The following CSNK1G2 variants were observed in gnomAD, a reference collection of about 807,000 sequenced individuals.
CSNK1G2 encodes the protein casein kinase 1 gamma 2, also known as casein kinase I isoform gamma-2.
In CSNK1G2, 11 loss-of-function variants were observed where a neutral mutation model predicts 48.0. The ratio of observed to expected loss-of-function variants is 0.23; its 90% CI spans 0.14 to 0.38. CSNK1G2 has a LOEUF of 0.38. Ranked by LOEUF, CSNK1G2 falls within the 10% of genes least tolerant of loss-of-function variation. CSNK1G2 has a pLI of 1.00. For missense variants in CSNK1G2, 446 were observed against 595.5 expected, an observed-to-expected ratio of 0.75 and a Z score of 2.61; for synonymous variants, 337 against 254.1, an observed-to-expected ratio of 1.33 and a Z score of -3.10.
rs1008888 is a variant in CSNK1G2, at chr19:1,943,673, C to A, written c.-266+2255C>A. 5.8e-3 allele frequency among the ~76,000 whole-genome samples: 884 copies of A among 152,252 alleles called. 24 individuals are homozygous for A. Among genetic ancestry groups the A allele is most frequent in the Admixed American group, 0.038 (581 of 15,298 alleles). On this transcript the variant is annotated intron_variant, in intron 1 of 11. Coordinates refer to ENST00000255641, the MANE Select transcript of CSNK1G2 (RefSeq NM_001319.7). ...TGGGGGTTACCGCGCGCCCGAGTGG[C>A]AGACTCTAGCGCCCCAGCAGATGCG...
rs973187917 is a variant in CSNK1G2, at chr19:1,969,916, C to G, written c.144C>G (p.Val48=). 5 of 1,312,124 alleles carry G rather than the reference C, an allele frequency of 3.8e-6. No individual in the cohort carries two copies. The African/African-American group carries it at 4.5e-5, about 12-fold the overall frequency. 81.3% of individuals were successfully genotyped at this position (1,312,124 alleles called of 1,614,324 possible). Residue 48 remains valine (V), a synonymous_variant, in exon 2 of 12, where the codon GTC becomes GTG. Transcript: ENST00000255641. ...TGATGGTGGGCCCCAACTTCCGCGTCGGCAAGAAGATCGGCTGCGGCAACT... is the reference window on the plus strand; with the variant it reads ...TGATGGTGGGCCCCAACTTCCGCGTGGGCAAGAAGATCGGCTGCGGCAACT... ...GVLMVGPNFR[V]GKKIGCGNFG...
chr19:1,958,569 C>G, intron 1 of CSNK1G2, among the ~76,000 whole-genome samples: 1 of 129,456 alleles, frequency 7.7e-6, no homozygotes. Flanking sequence ...AGCAGCTCAG[C>G]TCTCCCAGGT....
intron 2 of CSNK1G2, chr19:1,975,400 G>A (rs557988932): frequency 2.4e-4 from 236 of 985,356 alleles, no homozygotes; most frequent in Non-Finnish European, 2.7e-4. Context: ...ACGGCTGCCC[G>A]CAGGAAGAGC....
chr19:1,979,629 G>A lies in CSNK1G2; in HGVS notation c.988G>A (p.Ala330Thr). Residue 330 changes from alanine to threonine, a missense_variant, in exon 9 of 12, where the codon GCC becomes ACC. By Grantham distance (58) the Ala-to-Thr change is moderately conservative. Around this residue, in one of 2 missense-constraint regions of CSNK1G2, gnomAD observed 188 missense variants for 179.6 expected, o/e 1.05. Coordinates refer to ENST00000255641, the MANE Select transcript of CSNK1G2 (RefSeq NM_001319.7). ...CGTGTTCGACTATGAGTACGACTGGGCCGGGAAGCCCCTGGTAGGTGGGGG... is the reference window on the plus strand; with the variant it reads ...CGTGTTCGACTATGAGTACGACTGGACCGGGAAGCCCCTGGTAGGTGGGGG... Reference protein sequence around the residue: ...GFVFDYEYDWAGKPLPTPIGT... With the variant: ...GFVFDYEYDWTGKPLPTPIGT... 1.2e-6 allele frequency: 2 copies of A among 1,604,304 alleles called. No homozygotes were observed. Among genetic ancestry groups the A allele is most frequent in the Non-Finnish European group, 8.5e-7 (1 of 1,179,866 alleles).
In CSNK1G2 at chr19:1,955,140, G is replaced by C. The variant is rs924845150; in HGVS notation, c.-266+13722G>C. ...GATGGACGGGTGCTGGGCCCTGACC[G>C]AGTGGTGACCGCCTCCAGGGAGTGA... On this transcript the variant is annotated intron_variant, in intron 1 of 11. Transcript: ENST00000255641. Among the ~76,000 whole-genome samples, 8 of 152,158 alleles carry C rather than the reference G, an allele frequency of 5.3e-5. 1 individual carries two copies. The South Asian group carries it at 1.7e-3, about 32-fold the overall frequency.
intron 1 of CSNK1G2, among the ~76,000 whole-genome samples, chr19:1,966,934 G>T (rs749313899): frequency 2.0e-5 from 3 of 152,024 alleles, no homozygotes; most frequent in African/African-American, 7.3e-5. Context: ...GCAGTGGTGC[G>T]ATCATAGCTC....
intron 1 of CSNK1G2, among the ~76,000 whole-genome samples, chr19:1,962,879 G>T (rs914521666): frequency 1.3e-5 from 2 of 152,188 alleles, no homozygotes; most frequent in African/African-American, 4.8e-5. Flanking sequence ...AAGCCCGTGC[G>T]CAGACGCCGC....
chr19:1,942,089 G>T (rs1245102369), intron 1 of CSNK1G2, among the ~76,000 whole-genome samples: 1 of 152,134 alleles, frequency 6.6e-6, no homozygotes, highest in Non-Finnish European at 1.5e-5. Context: ...GGTCTGATCC[G>T]CAGGGACCTG....
intron 1 of CSNK1G2, among the ~76,000 whole-genome samples, chr19:1,965,122 G>A (rs112342997): frequency 2.0e-5 from 3 of 149,844 alleles, no homozygotes; most frequent in Non-Finnish European, 3.0e-5. Flanking sequence ...CCGGCCGGGC[G>A]CGGTGGCTCA....
At chr19:1,972,710 C>T (rs929720848) in intron 2 of CSNK1G2, among the ~76,000 whole-genome samples, 27 of 152,164 alleles carry the variant, frequency 1.8e-4, no homozygotes, top group Admixed American at 1.8e-3. Context: ...ACAACCTCTG[C>T]CTCTCGGGTT....
At chr19:1,943,044 C>T (rs1219117424) in intron 1 of CSNK1G2, among the ~76,000 whole-genome samples, 1 of 152,138 alleles carries the variant, frequency 6.6e-6, no homozygotes, top group African/African-American at 2.4e-5. Flanking sequence ...AACGGGAGAC[C>T]TGCATGCAGG....
At position 1,979,754 on chromosome 19, in the gene CSNK1G2, G is replaced by A. The variant is rs1483870170; in HGVS notation, c.1005G>A (p.Pro335=). 3 of 1,605,470 alleles carry A rather than the reference G, an allele frequency of 1.9e-6. No individual in the cohort carries two copies. The highest frequency in any genetic ancestry group is 2.2e-5 in the East Asian group (1 of 44,766). The change falls in exon 10 of 12, where the codon CCG becomes CCA. Residue 335 remains proline, a splice_region_variant and synonymous_variant. Coordinates refer to ENST00000255641, the MANE Select transcript of CSNK1G2 (RefSeq NM_001319.7). Reference sequence around the variant, plus strand: ...GACCCCTGCTCCCTCACCCACAGCCGACCCCCATCGGCACCGTCCACACCG... The same window carrying A: ...GACCCCTGCTCCCTCACCCACAGCCAACCCCCATCGGCACCGTCCACACCG... ...YEYDWAGKPL[P]TPIGTVHTDL...
At chr19:1,961,519 T>C (rs1351334751) in intron 1 of CSNK1G2, among the ~76,000 whole-genome samples, 1 of 152,234 alleles carries the variant, frequency 6.6e-6, no homozygotes, top group Non-Finnish European at 1.5e-5. Flanking sequence ...TCCCAGGAGC[T>C]GGGCCTCAGT....
Position 1,978,295 on chromosome 19 carries a change from G to T in CSNK1G2, c.188-10G>T, listed in dbSNP as rs2145595540. The T allele has an allele frequency of 6.2e-7, 1 of 1,613,406 alleles. No individual in the cohort carries two copies. The highest frequency in any genetic ancestry group is 1.7e-5 in the Admixed American group (1 of 60,014). ...TGCGCTGGCGGTGCTGATGGTCTCTGTCCCCGCAGGAAAGAATCTCTATAC... is the reference window on the plus strand; with the variant it reads ...TGCGCTGGCGGTGCTGATGGTCTCTTTCCCCGCAGGAAAGAATCTCTATAC... On this transcript the variant is annotated splice_polypyrimidine_tract_variant and intron_variant, in intron 2 of 11. Coordinates refer to ENST00000255641, the MANE Select transcript of CSNK1G2 (RefSeq NM_001319.7). This position sits in a 1 kb window ranked among gnomAD's most constrained non-coding sequence, Gnocchi z 7.3.
chr19:1,969,112 G>C (rs1411112577), intron 1 of CSNK1G2, among the ~76,000 whole-genome samples: 1 of 152,182 alleles, frequency 6.6e-6, no homozygotes. Flanking sequence ...GGGGACTGTT[G>C]TGTGGCCCCT....
At chr19:1,973,681 C>G (rs919598641) in intron 2 of CSNK1G2, among the ~76,000 whole-genome samples, 1 of 152,198 alleles carries the variant, frequency 6.6e-6, no homozygotes, top group African/African-American at 2.4e-5. Context: ...GCCTCCAACC[C>G]CAGAAGTCCA....
intron 1 of CSNK1G2, among the ~76,000 whole-genome samples, chr19:1,966,132 G>C (rs994781171): frequency 2.6e-5 from 4 of 152,310 alleles, no homozygotes; most frequent in African/African-American, 9.6e-5. Context: ...CATTTGTAAG[G>C]CTCTAGGTGC....
chr19:1,979,120 C>G (rs763584907), intron 6 of CSNK1G2, 27 bp downstream of exon 6: 11 of 1,572,386 alleles, frequency 7.0e-6, no homozygotes, highest in Non-Finnish European at 9.5e-6. Context: ...CGGCGGGGGG[C>G]GGGCGCCCGG....
chr19:1,974,002 C>T (rs2015666325), intron 2 of CSNK1G2, among the ~76,000 whole-genome samples: 1 of 152,128 alleles, frequency 6.6e-6, no homozygotes, highest in African/African-American at 2.4e-5. Context: ...ATTCTCCTGC[C>T]TCAGCCTCCC....
Sources: gnomAD v4.1 joint callset for allele counts (sites outside exome capture counted in the v4.1 genomes callset) on GRCh38, gnomAD v4.1.1 for gene constraint, gnomAD v4.1.1 regional missense constraint, Gnocchi (gnomAD v3.1) non-coding constraint, MANE v1.5 for transcripts, NCBI Gene and HGNC (gene_info 2026-07-23, HGNC 2026-07-21) for gene names.